The following ANKRD44 variants were observed in gnomAD, a reference collection of about 807,000 sequenced individuals.
The protein encoded by ANKRD44 is serine/threonine-protein phosphatase 6 regulatory ankyrin repeat subunit B.
In ANKRD44, 35 loss-of-function variants were observed where a neutral mutation model predicts 116.0. The observed-to-expected ratio is 0.30, with a 90% confidence interval of 0.23 to 0.40. The LOEUF (loss-of-function observed/expected upper bound fraction) is 0.40. Among genes scored for constraint, ANKRD44 ranks in the 10% least tolerant of loss-of-function variants. ANKRD44 has a pLI of 1.00. For missense variants in ANKRD44, 1,014 were observed against 1,242.6 expected (o/e 0.82, Z 2.77); for synonymous variants, 435 against 461.8 (o/e 0.94, Z 0.74).
intron 2 of ANKRD44, among the ~76,000 whole-genome samples, chr2:197,172,450 C>T (rs985796764): frequency 2.0e-5 from 3 of 152,222 alleles, no homozygotes; most frequent in Non-Finnish European, 4.4e-5. Context: ...GCCCTGGCTA[C>T]ACCAGGAACG....
At chr2:197,101,580 AT>A (rs1262099268) in intron 9 of ANKRD44, among the ~76,000 whole-genome samples, 1 of 152,200 alleles carries the variant, frequency 6.6e-6, no homozygotes, top group African/African-American at 2.4e-5. Flanking sequence ...AAAACGGTAA[AT>A]TTTATGTTAT....
At chr2:197,194,231 A>C (rs1487696259) in intron 1 of ANKRD44, among the ~76,000 whole-genome samples, 1 of 152,212 alleles carries the variant, frequency 6.6e-6, no homozygotes, top group East Asian at 1.9e-4. Context: ...TGTTACACTC[A>C]GCAACCTCGA....
At chr2:197,048,978 G>A (rs1280635023) in intron 16 of ANKRD44, among the ~76,000 whole-genome samples, 1 of 152,070 alleles carries the variant, frequency 6.6e-6, no homozygotes, top group East Asian at 1.9e-4. Context: ...CTGCATAAAT[G>A]TCTTCTTTGG....
intron 16 of ANKRD44, among the ~76,000 whole-genome samples, chr2:197,064,321 C>T (rs1384989503): frequency 6.6e-6 from 1 of 152,162 alleles, no homozygotes; most frequent in Non-Finnish European, 1.5e-5. Context: ...TGGAAAGGAA[C>T]AACCGGTACC....
chr2:197,219,173 G>T (rs768275225), intron 1 of ANKRD44, among the ~76,000 whole-genome samples: 2 of 149,800 alleles, frequency 1.3e-5, no homozygotes, highest in Non-Finnish European at 3.0e-5. Context: ...AGGTTCAAGC[G>T]ATTCTTCTGC....
rs901860980 is a variant in ANKRD44, at chr2:197,110,806, G to A, written c.945C>T (p.Val315=). ...DGKSPLHMTA[V]HGRFTRSQTL... ...TCTGTGACCGTGTGAACCTTCCATG[G>A]ACAGCTGTCATGTGCAGTGGACTTT... Residue 315 remains valine (V), a synonymous_variant, in exon 9 of 28, where the codon GTC becomes GTT. Transcript: ENST00000282272. The A allele has an allele frequency of 3.1e-6, 5 of 1,613,862 alleles. No homozygotes were observed. The highest frequency in any genetic ancestry group is 1.3e-5 in the African/African-American group (1 of 74,848).
At position 196,987,840 on chromosome 2, in the gene ANKRD44, A is replaced by T. The variant is rs2075855286; in HGVS notation, c.*1751T>A. 1 of 979,028 alleles carries T rather than the reference A, an allele frequency of 1.0e-6. No homozygotes were observed. Among genetic ancestry groups the T allele is most frequent in the Non-Finnish European group, 1.2e-6 (1 of 824,610 alleles). 60.6% of individuals were successfully genotyped at this position (979,028 alleles called of 1,614,324 possible). A position where few individuals can be genotyped will look rare whatever the true frequency, so the allele number is the denominator to read the frequency against. ...GCAACTAAGACTCAGTTAAAAACAC[A>T]TTTTTTTTTCTTAGAAAGCTATGGT... is the stretch of plus-strand genomic sequence containing the variant. On this transcript the variant is annotated 3_prime_UTR_variant, in exon 28 of 28. Coordinates refer to ENST00000282272, the MANE Select transcript of ANKRD44 (RefSeq NM_001195144.2).
At chr2:197,056,653 T>A (rs2077209433) in intron 16 of ANKRD44, among the ~76,000 whole-genome samples, 1 of 152,200 alleles carries the variant, frequency 6.6e-6, no homozygotes, top group South Asian at 2.1e-4. Flanking sequence ...ACATTTTATA[T>A]AATATTTTAG....
At chr2:197,070,813 A>T (rs1272761515) in intron 16 of ANKRD44, among the ~76,000 whole-genome samples, 1 of 152,154 alleles carries the variant, frequency 6.6e-6, no homozygotes, top group Non-Finnish European at 1.5e-5. Context: ...GTGTAGAATT[A>T]TGTTAATTCT....
intron 1 of ANKRD44, among the ~76,000 whole-genome samples, chr2:197,242,992 T>C (rs2082121363): frequency 1.3e-5 from 2 of 152,256 alleles, no homozygotes; most frequent in African/African-American, 4.8e-5. Context: ...GACTAGCAAC[T>C]TAATCGCTTA....
chr2:197,127,560 T>C (rs1259592378), intron 4 of ANKRD44, among the ~76,000 whole-genome samples: 1 of 152,140 alleles, frequency 6.6e-6, no homozygotes, highest in Non-Finnish European at 1.5e-5. Flanking sequence ...ACCCAGGAGC[T>C]TGCTCTGGCA....
At chr2:197,279,530 A>G (rs1001640784) in intron 1 of ANKRD44, among the ~76,000 whole-genome samples, 57 of 151,786 alleles carry the variant, frequency 3.8e-4, no homozygotes, top group African/African-American at 1.3e-3. Context: ...CTCCCATCCA[A>G]TCTCCCACTG....
chr2:197,100,438 AAAAAAG>A (rs536380622), intron 9 of ANKRD44, among the ~76,000 whole-genome samples: 289 of 152,274 alleles, frequency 1.9e-3, no homozygotes, highest in African/African-American at 5.5e-3. Flanking sequence ...CCGTCTCAAA[AAAAAAG>A]AAAAAGAAAA....
At chr2:197,061,996 G>C (rs1018312056) in intron 16 of ANKRD44, among the ~76,000 whole-genome samples, 2 of 152,128 alleles carry the variant, frequency 1.3e-5, no homozygotes, top group Non-Finnish European at 2.9e-5. Context: ...GGTCAGGCTG[G>C]TCTTGAACAC....
At chr2:197,249,157 C>T (rs1303917585) in intron 1 of ANKRD44, among the ~76,000 whole-genome samples, 1 of 152,100 alleles carries the variant, frequency 6.6e-6, no homozygotes, top group Non-Finnish European at 1.5e-5. Context: ...CCTGAAGACC[C>T]AACTACTTGA....
chr2:197,239,793 A>C lies in ANKRD44; in HGVS notation c.28-52687T>G, dbSNP rs2082052028. Among the ~76,000 whole-genome samples, 3 of 152,316 alleles carry C rather than the reference A, an allele frequency of 2.0e-5. No homozygotes were observed. The South Asian group carries it at 6.2e-4, about 32-fold the overall frequency. ...ATTGCATACCTTTCTTGCTTTAGTA[A>C]CTAGTTTTTGGGAGTTTCACTATCT... On this transcript the variant is annotated intron_variant, in intron 1 of 27. Coordinates refer to ENST00000282272, the MANE Select transcript of ANKRD44 (RefSeq NM_001195144.2).
intron 1 of ANKRD44, among the ~76,000 whole-genome samples, chr2:197,293,199 A>G (rs1429184514): frequency 2.0e-5 from 3 of 152,226 alleles, no homozygotes; most frequent in Admixed American, 2.0e-4. Context: ...AAAGAAGGGA[A>G]GGATGGTGAA....
intron 1 of ANKRD44, among the ~76,000 whole-genome samples, chr2:197,243,292 G>A (rs757106643): frequency 6.6e-6 from 1 of 151,770 alleles, no homozygotes; most frequent in African/African-American, 2.4e-5. Context: ...GCCAACAGCA[G>A]GAAGAAAGAC....
intron 1 of ANKRD44, among the ~76,000 whole-genome samples, chr2:197,288,776 G>A (rs1293903735): frequency 1.3e-5 from 2 of 152,094 alleles, no homozygotes; most frequent in African/African-American, 4.8e-5. Context: ...AGGTCATAAT[G>A]TTAAGTAAAA....
Sources: gnomAD v4.1 joint callset for allele counts (sites outside exome capture counted in the v4.1 genomes callset) on GRCh38, gnomAD v4.1.1 for gene constraint, MANE v1.5 for transcripts, NCBI Gene and HGNC (gene_info 2026-07-23, HGNC 2026-07-21) for gene names.